The following PKD2 variants were observed in gnomAD, a reference collection of about 807,000 sequenced individuals.
PKD2 encodes polycystin-2.
Under a neutral mutation model 105.9 loss-of-function variants are expected in PKD2, and 48 were observed. The observed-to-expected ratio is 0.45, with a 90% CI of 0.36 to 0.58. The LOEUF is 0.58. Among genes scored for constraint, PKD2 ranks in the 20% least tolerant of loss-of-function variants. The pLI is 0.00. For synonymous variants in PKD2, 464 were observed against 481.1 expected (o/e 0.96, Z 0.46); for missense variants, 1,078 against 1,255.3 (o/e 0.86, Z 2.13).
chr4:88,073,762 A>G (rs77365147), intron 13 of PKD2, among the ~76,000 whole-genome samples: 22 of 152,200 alleles, frequency 1.4e-4, no homozygotes, highest in Non-Finnish European at 2.5e-4. Context: ...TTTCTTGAAT[A>G]AATGCTTTTT....
intron 5 of PKD2, among the ~76,000 whole-genome samples, chr4:88,044,300 A>G (rs1727689259): frequency 6.6e-6 from 1 of 152,138 alleles, no homozygotes; most frequent in South Asian, 2.1e-4. Context: ...ACCCACTTTA[A>G]TCTTCCTGGT....
chr4:88,057,525 T>C (rs1456022645), intron 8 of PKD2, among the ~76,000 whole-genome samples: 4 of 147,656 alleles, frequency 2.7e-5, no homozygotes, highest in Non-Finnish European at 5.9e-5. Flanking sequence ...AACCTCTGCC[T>C]CCCGGGTTCA....
chr4:88,030,882 C>T (rs1560604268), intron 2 of PKD2, among the ~76,000 whole-genome samples: 2 of 152,244 alleles, frequency 1.3e-5, no homozygotes. Context: ...TTTACTAACA[C>T]ACAGAATTTC....
intron 13 of PKD2, among the ~76,000 whole-genome samples, chr4:88,069,663 C>T (rs1234341439): frequency 1.3e-5 from 2 of 151,958 alleles, no homozygotes; most frequent in African/African-American, 2.4e-5. Flanking sequence ...TTTTATAACA[C>T]ACTGTGTAAT....
chr4:88,057,787 A>G (rs749878024), intron 8 of PKD2, among the ~76,000 whole-genome samples, 196 bp from the exon 9 acceptor site: 1 of 152,162 alleles, frequency 6.6e-6, no homozygotes, highest in African/African-American at 2.4e-5. Flanking sequence ...AAAGCATTTT[A>G]TTATTATTGC....
At chr4:88,054,399 CAAA>C (rs201113474) in intron 7 of PKD2, among the ~76,000 whole-genome samples, 6 of 75,798 alleles carry the variant, frequency 7.9e-5, no homozygotes, top group Admixed American at 1.4e-4. Flanking sequence ...CACTTCGTCT[CAAA>C]AAAAAAAAAA....
At chr4:88,073,820 G>A (rs1721129177) in intron 13 of PKD2, among the ~76,000 whole-genome samples, 1 of 152,100 alleles carries the variant, frequency 6.6e-6, no homozygotes, top group East Asian at 1.9e-4. Flanking sequence ...TAATATTTGA[G>A]TTTTAAAAAA....
At chr4:88,022,402 G>A (rs750093760) in intron 2 of PKD2, among the ~76,000 whole-genome samples, 2 of 152,188 alleles carry the variant, frequency 1.3e-5, no homozygotes, top group Non-Finnish European at 2.9e-5. Context: ...TTTGGTTGGA[G>A]TTCACTTCAT....
intron 2 of PKD2, among the ~76,000 whole-genome samples, chr4:88,031,558 C>T (rs913693799): frequency 6.6e-6 from 1 of 152,020 alleles, no homozygotes; most frequent in African/African-American, 2.4e-5. Flanking sequence ...ATATCTAGTA[C>T]AGTTATATTT....
At chr4:88,050,641 A>C (rs372823349) in intron 6 of PKD2, among the ~76,000 whole-genome samples, 24 of 152,170 alleles carry the variant, frequency 1.6e-4, no homozygotes, top group African/African-American at 5.8e-4. Context: ...AGAGTTGGGT[A>C]AAGAGTTACC....
chr4:88,040,925 A>C (rs1164938712), intron 4 of PKD2, among the ~76,000 whole-genome samples: 1 of 152,138 alleles, frequency 6.6e-6, no homozygotes, highest in Non-Finnish European at 1.5e-5. Context: ...ACAATGTGCC[A>C]GGCATGTTCC....
At chr4:88,019,203 GC>G (rs1240938522) in intron 1 of PKD2, among the ~76,000 whole-genome samples, 1 of 151,842 alleles carries the variant, frequency 6.6e-6, no homozygotes, top group Non-Finnish European at 1.5e-5. Flanking sequence ...GGGCTTGGGA[GC>G]CTATAAAATG....
chr4:88,028,814 C>A (rs924404519), intron 2 of PKD2, among the ~76,000 whole-genome samples: 1 of 152,124 alleles, frequency 6.6e-6, no homozygotes, highest in African/African-American at 2.4e-5. Context: ...GTAAAAAAAT[C>A]AGTAAGTTGA....
chr4:88,020,432 C>G (rs1193442149), intron 2 of PKD2, among the ~76,000 whole-genome samples: 1 of 152,114 alleles, frequency 6.6e-6, no homozygotes, highest in East Asian at 1.9e-4. Context: ...CTTTCGTCTT[C>G]TTTCCTTCTT....
At chr4:88,021,668 G>A (rs748528375) in intron 2 of PKD2, among the ~76,000 whole-genome samples, 9 of 152,084 alleles carry the variant, frequency 5.9e-5, no homozygotes, top group South Asian at 4.1e-4. Context: ...CTTTGAAATC[G>A]TTCATTTCAT....
chr4:88,020,701 T>C (rs78813792), intron 2 of PKD2, among the ~76,000 whole-genome samples: 1 of 150,352 alleles, frequency 6.7e-6, no homozygotes, highest in Non-Finnish European at 1.5e-5. Flanking sequence ...TTTTTTTTTT[T>C]AAATTAGAGA....
intron 4 of PKD2, among the ~76,000 whole-genome samples, chr4:88,041,835 C>T (rs1727575967): frequency 6.6e-6 from 1 of 152,160 alleles, no homozygotes; most frequent in African/African-American, 2.4e-5. Context: ...CAGCCAAAGT[C>T]CAACCTTGCA....
intron 2 of PKD2, among the ~76,000 whole-genome samples, chr4:88,027,451 A>AC (rs897960790): frequency 2.0e-5 from 3 of 152,122 alleles, no homozygotes; most frequent in African/African-American, 7.2e-5. Context: ...CAATGCCTGT[A>AC]CCCCCATTGT....
chr4:88,021,812 G>C (rs1172358719), intron 2 of PKD2, among the ~76,000 whole-genome samples: 2 of 152,198 alleles, frequency 1.3e-5, no homozygotes, highest in Admixed American at 6.5e-5. Flanking sequence ...TTCCAATTCA[G>C]CTCTTCGCAA....
Sources: gnomAD v4.1 joint callset for allele counts (sites outside exome capture counted in the v4.1 genomes callset) on GRCh38, gnomAD v4.1.1 for gene constraint, MANE v1.5 for transcripts, NCBI Gene and HGNC (gene_info 2026-07-23, HGNC 2026-07-21) for gene names.